Variants in INPP4B observed in about 807,000 individuals in gnomAD.
INPP4B encodes inositol polyphosphate-4-phosphatase type II B.
INPP4B carries 55 observed loss-of-function variants against 122.5 expected under a neutral mutation model. That is an observed-to-expected ratio of 0.45 (90% CI 0.36 to 0.56). INPP4B has a LOEUF of 0.56. Among genes scored for constraint, INPP4B ranks in the 20% least tolerant of loss-of-function variants. INPP4B has a pLI of 0.00. For missense variants in INPP4B, 1,000 were observed against 1,097.7 expected (o/e 0.91, Z 1.26); for synonymous variants, 403 against 388.7 (o/e 1.04, Z -0.43).
chr4:142,149,488 T>C (rs1375480026), intron 17 of INPP4B, among the ~76,000 whole-genome samples: 1 of 152,178 alleles, frequency 6.6e-6, no homozygotes, highest in Non-Finnish European at 1.5e-5. Flanking sequence ...CTCCAAAGAC[T>C]TGATTCTTCC....
rs114564295 is a variant in INPP4B, at chr4:142,177,480, C to T, written c.1182-3671G>A. On this transcript the variant is annotated intron_variant, in intron 15 of 25. Coordinates refer to ENST00000262992, the MANE Select transcript of INPP4B (RefSeq NM_001101669.3). ...AACTGGATCCAAACACTTGAGTCAA[C>T]GATCAATCAGATGACTCTGGAAGAA... 2.3e-3 allele frequency among the ~76,000 whole-genome samples: 356 copies of T among 151,990 alleles called. 1 individual carries two copies. Among genetic ancestry groups the T allele is most frequent in the African/African-American group, 8.0e-3 (331 of 41,442 alleles).
chr4:142,197,097 G>A (rs1244711630), intron 14 of INPP4B, among the ~76,000 whole-genome samples: 2 of 140,572 alleles, frequency 1.4e-5, no homozygotes, highest in African/African-American at 2.7e-5. Context: ...TTGCACTCCA[G>A]CCTGGGCAAT....
At chr4:142,354,607 T>C (rs75458129) in intron 7 of INPP4B, among the ~76,000 whole-genome samples, 3,316 of 152,046 alleles carry the variant, frequency 0.022, 123 homozygotes, top group African/African-American at 0.076. Flanking sequence ...TTATGGGAGG[T>C]AGAACAAAGA....
intron 23 of INPP4B, among the ~76,000 whole-genome samples, chr4:142,090,560 C>T (rs1282125722): frequency 1.3e-5 from 2 of 152,036 alleles, no homozygotes; most frequent in African/African-American, 2.4e-5. Context: ...GTACACAGAA[C>T]GTGAATTGGT....
chr4:142,397,832 C>T (rs1428599826), intron 7 of INPP4B, among the ~76,000 whole-genome samples: 3 of 150,370 alleles, frequency 2.0e-5, no homozygotes, highest in Non-Finnish European at 4.4e-5. Context: ...AGCGAGGCTC[C>T]GTCTCAAAAA....
chr4:142,329,698 A>G (rs1773754014), intron 7 of INPP4B, among the ~76,000 whole-genome samples: 1 of 152,172 alleles, frequency 6.6e-6, no homozygotes, highest in Non-Finnish European at 1.5e-5. Flanking sequence ...GTTGTTTCCA[A>G]ATATTTATAG....
chr4:142,114,334 C>T (rs147370512), intron 21 of INPP4B, among the ~76,000 whole-genome samples: 37 of 152,088 alleles, frequency 2.4e-4, no homozygotes, highest in Non-Finnish European at 4.9e-4. Context: ...GTCTAAAAGT[C>T]ATATGGTAAT....
At chr4:142,162,758 A>G (rs1043423873) in intron 16 of INPP4B, among the ~76,000 whole-genome samples, 5 of 151,980 alleles carry the variant, frequency 3.3e-5, no homozygotes, top group African/African-American at 7.2e-5. Flanking sequence ...AAGGGAGATC[A>G]TGCAGGAGAG....
intron 17 of INPP4B, among the ~76,000 whole-genome samples, chr4:142,155,944 T>C (rs940754395): frequency 4.7e-5 from 7 of 148,804 alleles, no homozygotes; most frequent in African/African-American, 1.5e-4. Flanking sequence ...AAAATTAATA[T>C]GGATGGATCA....
chr4:142,231,262 C>A (rs1205538477), intron 12 of INPP4B, among the ~76,000 whole-genome samples: 1 of 152,192 alleles, frequency 6.6e-6, no homozygotes, highest in African/African-American at 2.4e-5. Context: ...TATGTCCCTG[C>A]CAACATTTCC....
chr4:142,524,351 A>G (rs1391137993), intron 2 of INPP4B, among the ~76,000 whole-genome samples: 1 of 151,992 alleles, frequency 6.6e-6, no homozygotes, highest in Non-Finnish European at 1.5e-5. Context: ...TTGCCATTCT[A>G]ACTGGTGTGA....
rs532495629 is a variant in INPP4B, at chr4:142,118,881, T to C, written c.2135+3247A>G. Among the ~76,000 whole-genome samples the C allele has an allele frequency of 7.9e-5, 12 of 152,202 alleles. No individual in the cohort carries two copies. The South Asian group carries it at 1.2e-3, about 16-fold the overall frequency. ...CAACCTACAGAATTGGAGAAAATTT[T>C]TACAATCTATCTATCTGACAAAGGG... is the stretch of plus-strand genomic sequence containing the variant. On this transcript the variant is annotated intron_variant, in intron 21 of 25. Coordinates refer to ENST00000262992, the MANE Select transcript of INPP4B (RefSeq NM_001101669.3).
At chr4:142,579,933 AGAT>A (rs1358956712) in intron 2 of INPP4B, among the ~76,000 whole-genome samples, 2 of 149,268 alleles carry the variant, frequency 1.3e-5, no homozygotes, top group South Asian at 2.1e-4. Flanking sequence ...ATAGATAGAT[AGAT>A]ATCCTATTGC....
chr4:142,333,017 A>C (rs1353443489), intron 7 of INPP4B, among the ~76,000 whole-genome samples: 6 of 150,576 alleles, frequency 4.0e-5, no homozygotes, highest in Non-Finnish European at 8.9e-5. Flanking sequence ...TCTCAAAAAA[A>C]AAAAAAAAAA....
chr4:142,742,771 A>G (rs1440440470), intron 1 of INPP4B, among the ~76,000 whole-genome samples: 1 of 152,038 alleles, frequency 6.6e-6, no homozygotes, highest in Non-Finnish European at 1.5e-5. Context: ...GTGAATAGGT[A>G]GGTAAACTTA....
intron 2 of INPP4B, among the ~76,000 whole-genome samples, chr4:142,671,770 T>A (rs988185911): frequency 4.6e-5 from 7 of 152,180 alleles, no homozygotes; most frequent in African/African-American, 1.7e-4. Context: ...TTCATTTTAC[T>A]GAGGTGTAAT....
chr4:142,215,222 C>T (rs1846610071), intron 12 of INPP4B, among the ~76,000 whole-genome samples: 1 of 152,116 alleles, frequency 6.6e-6, no homozygotes. Context: ...TACCATAAAG[C>T]TTTTAGACTG....
At chr4:142,379,786 T>C (rs1793380884) in intron 7 of INPP4B, among the ~76,000 whole-genome samples, 1 of 152,230 alleles carries the variant, frequency 6.6e-6, no homozygotes, top group Admixed American at 6.5e-5. Context: ...TGGGAAGCCA[T>C]GCAAGACATG....
chr4:142,186,539 G>C (rs143895004), intron 15 of INPP4B, among the ~76,000 whole-genome samples: 9 of 152,330 alleles, frequency 5.9e-5, no homozygotes, highest in Admixed American at 5.9e-4. Flanking sequence ...TGTGGGCTAA[G>C]AGAATCACTG....
Sources: gnomAD v4.1 joint callset for allele counts (sites outside exome capture counted in the v4.1 genomes callset) on GRCh38, gnomAD v4.1.1 for gene constraint, MANE v1.5 for transcripts, NCBI Gene and HGNC (gene_info 2026-07-23, HGNC 2026-07-21) for gene names.